The following SPAG5 variants were observed in gnomAD, a reference collection of about 807,000 sequenced individuals.
SPAG5 encodes the protein sperm associated antigen 5.
A neutral mutation model predicts 145.4 loss-of-function variants in SPAG5; 99 were observed. That is an observed-to-expected ratio of 0.68 (90% CI 0.58 to 0.80). The LOEUF is 0.80. SPAG5 is among the 30% of genes least tolerant of loss of function. The pLI is 0.00. For synonymous variants in SPAG5, 477 were observed against 525.4 expected (o/e 0.91, Z 1.26); for missense variants, 1,192 against 1,416.0 (o/e 0.84, Z 2.54).
In SPAG5 at chr17:28,583,556, T is replaced by A; in HGVS notation, c.2640A>T (p.Gln880His). The change falls in exon 15 of 24, where the codon CAA becomes CAT. Residue 880 changes from glutamine to histidine, a missense_variant. Physicochemically the swap from Gln to His is conservative, Grantham distance 24 (BLOSUM62 0). Transcript: ENST00000321765. ...YSQKLGLLTE[Q>H]LQSLTLFLQT... ...GTAGAAAGAGAGTCAGGCTCTGTAGTTGCTCAGTCAGCAGCCCTAGCTTTT... is the reference window on the plus strand; with the variant it reads ...GTAGAAAGAGAGTCAGGCTCTGTAGATGCTCAGTCAGCAGCCCTAGCTTTT... 6.2e-7 allele frequency: 1 copy of A among 1,613,126 alleles called. No homozygotes were observed. Among genetic ancestry groups the A allele is most frequent in the Middle Eastern group, 1.7e-4 (1 of 6,058 alleles).
At chr17:28,594,922 T>G (rs1301074808) in intron 2 of SPAG5, among the ~76,000 whole-genome samples, 1 of 151,816 alleles carries the variant, frequency 6.6e-6, no homozygotes, top group Non-Finnish European at 1.5e-5. Context: ...ATCACACCAC[T>G]GCACTCTAGC....
chr17:28,593,634 G>A (rs1352611202), intron 2 of SPAG5, among the ~76,000 whole-genome samples: 1 of 152,078 alleles, frequency 6.6e-6, no homozygotes, highest in African/African-American at 2.4e-5. Flanking sequence ...TGAGGTGGGA[G>A]GATCACTGAA....
intron 4 of SPAG5, among the ~76,000 whole-genome samples, chr17:28,586,961 C>T (rs1256972781): frequency 6.6e-6 from 1 of 151,840 alleles, no homozygotes; most frequent in Non-Finnish European, 1.5e-5. Context: ...TGCTATGTTG[C>T]CCTGGCTGGT....
chr17:28,596,365 T>C (rs2070665129), intron 2 of SPAG5, among the ~76,000 whole-genome samples: 1 of 152,128 alleles, frequency 6.6e-6, no homozygotes, highest in Admixed American at 6.6e-5. Context: ...TAAATAATTA[T>C]GGTTAAATTC....
intron 15 of SPAG5, among the ~76,000 whole-genome samples, chr17:28,581,165 T>C (rs1473931796): frequency 6.6e-6 from 1 of 152,244 alleles, no homozygotes; most frequent in Non-Finnish European, 1.5e-5. Flanking sequence ...AATGGCTGTA[T>C]CATCTATGGC....
At chr17:28,591,449 G>A (rs1231917894) in intron 4 of SPAG5, among the ~76,000 whole-genome samples, 2 of 152,190 alleles carry the variant, frequency 1.3e-5, no homozygotes, top group Non-Finnish European at 2.9e-5. Flanking sequence ...ATCTTTTGTA[G>A]GGATGGGATC....
intron 2 of SPAG5, among the ~76,000 whole-genome samples, chr17:28,595,290 A>AGTGTGT (rs143277490): frequency 6.1e-5 from 9 of 148,418 alleles, no homozygotes; most frequent in African/African-American, 2.2e-4. Context: ...TATAAAGATG[A>AGTGTGT]GTGTGTGTGT....
At chr17:28,594,614 A>C (rs1475089823) in intron 2 of SPAG5, among the ~76,000 whole-genome samples, 3 of 152,026 alleles carry the variant, frequency 2.0e-5, no homozygotes, top group East Asian at 1.9e-4. Context: ...TAATAATAAT[A>C]ATCAAACATA....
chr17:28,597,066 A>T (rs1241075784), intron 2 of SPAG5, among the ~76,000 whole-genome samples: 1 of 151,940 alleles, frequency 6.6e-6, no homozygotes, highest in East Asian at 1.9e-4. Context: ...CAACCTGGGC[A>T]ACAAGAGCGA....
Position 28,584,200 on chromosome 17 carries a change from G to A in SPAG5, c.2362C>T (p.Gln788Ter). ...LKHMQAELQQ[Q>*]QAVLAKEVRD... Reference sequence around the variant, plus strand: ...ACCTCTTTGGCCAGGACAGCTTGTTGCTGCTGCAGTTCTGCCTGCATGTGT... The same window carrying A: ...ACCTCTTTGGCCAGGACAGCTTGTTACTGCTGCAGTTCTGCCTGCATGTGT... Residue 788 changes from glutamine to a stop codon, truncating the protein, a stop_gained, in exon 13 of 24, where the codon CAA becomes TAA. Coordinates refer to ENST00000321765, the MANE Select transcript of SPAG5 (RefSeq NM_006461.4). LOFTEE classifies it high-confidence loss of function. 2 of 1,613,962 alleles carry A rather than the reference G, an allele frequency of 1.2e-6. No individual in the cohort carries two copies. The highest frequency in any genetic ancestry group is 1.7e-6 in the Non-Finnish European group (2 of 1,180,024).
chr17:28,598,891 C>G lies in SPAG5; in HGVS notation c.51+5G>C. ...AGTTCTCTCCGCCAGAGATCTCCCG[C>G]TTACCGTCTGGGGCGAAGGCGACAG... On this transcript the variant is annotated splice_donor_5th_base_variant and intron_variant, in intron 1 of 23. Transcript: ENST00000321765. 1 of 1,613,934 alleles carries G rather than the reference C, an allele frequency of 6.2e-7. No homozygotes were observed. Among genetic ancestry groups the G allele is most frequent in the Non-Finnish European group, 8.5e-7 (1 of 1,179,916 alleles).
intron 14 of SPAG5, 41 bp downstream of exon 14, chr17:28,583,812 A>G (rs2070564633): frequency 6.3e-7 from 1 of 1,582,126 alleles, no homozygotes; most frequent in Non-Finnish European, 8.6e-7. Flanking sequence ...TGAGAAAAAA[A>G]TAAGCACTTA....
At position 28,593,013 on chromosome 17, in the gene SPAG5, G is replaced by A. The variant is rs1478849201; in HGVS notation, c.231C>T (p.Asp77=). The change falls in exon 3 of 24, where the codon GAC becomes GAT. Residue 77 remains aspartate (D), a synonymous_variant. Transcript: ENST00000321765. ...AATGACTGAAATGTTCTGAAGATAA[G>A]TCTGTCCTCTTGTTATTTACAAAAT... ...PVDFVNNKRT[D]LSSEHFSHSS... is the part of the protein sequence containing the mutation. 1 of 1,614,188 alleles carries A rather than the reference G, an allele frequency of 6.2e-7. No homozygotes were observed. The highest frequency in any genetic ancestry group is 8.5e-7 in the Non-Finnish European group (1 of 1,180,028).
intron 2 of SPAG5, among the ~76,000 whole-genome samples, chr17:28,593,707 G>C (rs1364712160): frequency 6.6e-6 from 1 of 151,698 alleles, no homozygotes; most frequent in Non-Finnish European, 1.5e-5. Flanking sequence ...CTGGGTGACA[G>C]AGCAAAACCC....
intron 15 of SPAG5, 149 bp downstream of exon 15, chr17:28,583,362 A>G: frequency 1.3e-6 from 1 of 768,980 alleles, no homozygotes; most frequent in South Asian, 2.4e-5. Context: ...GAGACAGGGG[A>G]AGAAAGGTTT....
Position 28,585,670 on chromosome 17 carries a change from T to C in SPAG5, c.1741-17A>G. On this transcript the variant is annotated splice_polypyrimidine_tract_variant and intron_variant, in intron 7 of 23. Transcript: ENST00000321765. ...TATCTCTGCCTATTGAGGGAAGTGG[T>C]TGCAAGGCCACAGTGGGCAACAGGG... is the stretch of plus-strand genomic sequence containing the variant. 3 of 1,613,124 alleles carry C rather than the reference T, an allele frequency of 1.9e-6. No homozygotes were observed. The highest frequency in any genetic ancestry group is 1.7e-6 in the Non-Finnish European group (2 of 1,180,014).
Position 28,580,059 on chromosome 17 carries a change from G to A in SPAG5, c.2747C>T (p.Pro916Leu). The A allele has an allele frequency of 1.2e-6, 2 of 1,614,084 alleles. No homozygotes were observed. The highest frequency in any genetic ancestry group is 1.7e-6 in the Non-Finnish European group (2 of 1,180,000). ...ACPPTQEHPL[P>L]NDRTFLGSIL... ...GCTTCCCAGGAAGGTCCTGTCATTA[G>A]GCAGAGGGTGTTCCTGGGTGGGAGG... The change falls in exon 16 of 24, where the codon CCT becomes CTT. Residue 916 changes from proline (P) to leucine (L), a missense_variant. By Grantham distance (98) the Pro-to-Leu change is moderately conservative. Around this residue, in one of 5 missense-constraint regions of SPAG5, gnomAD observed 709 missense variants for 840.7 expected, o/e 0.84. Transcript: ENST00000321765.
Position 28,583,500 on chromosome 17 carries a change from C to T in SPAG5, c.2685+11G>A. 2 of 1,574,424 alleles carry T rather than the reference C, an allele frequency of 1.3e-6. No individual in the cohort carries two copies. Among genetic ancestry groups the T allele is most frequent in the Non-Finnish European group, 1.7e-6 (2 of 1,165,222 alleles). On this transcript the variant is annotated intron_variant, in intron 15 of 23. Transcript: ENST00000321765. The stretch of plus-strand genomic sequence containing the variant: ...AATTGGAAGAGAAGAGAAGGAACCC[C>T]AGGATCCTACCTTCTCCTTTAGTTT...
At chr17:28,595,151 G>A (rs1311467562) in intron 2 of SPAG5, among the ~76,000 whole-genome samples, 5 of 151,572 alleles carry the variant, frequency 3.3e-5, no homozygotes, top group East Asian at 3.9e-4. Flanking sequence ...CCAGCTACTC[G>A]GGAGGCTGAG....
Sources: allele counts gnomAD v4.1 joint callset (sites outside exome capture counted in the v4.1 genomes callset), GRCh38; gene constraint gnomAD v4.1.1; regional missense constraint gnomAD v4.1.1; transcripts MANE v1.5; gene names NCBI Gene and HGNC (gene_info 2026-07-23, HGNC 2026-07-21).